The following TIAM1 variants were observed in gnomAD, a reference collection of about 807,000 sequenced individuals.
TIAM1 encodes rho guanine nucleotide exchange factor TIAM1.
TIAM1 carries 65 observed loss-of-function variants against 163.5 expected under a neutral mutation model. The ratio of observed to expected loss-of-function variants is 0.40; its 90% CI spans 0.33 to 0.49. The LOEUF is 0.49. Ranked by LOEUF, TIAM1 falls within the 20% of genes least tolerant of loss-of-function variation. The pLI is 0.77. For missense variants in TIAM1, 1,789 were observed against 2,044.7 expected (o/e 0.87, Z 2.41); for synonymous variants, 833 against 810.1 (o/e 1.03, Z -0.48).
rs143311498 is a variant in TIAM1, at chr21:31,243,712, T to A, written c.1584+1776A>T. On this transcript the variant is annotated intron_variant, in intron 6 of 27. Coordinates refer to ENST00000541036, the MANE Select transcript of TIAM1 (RefSeq NM_001353694.2). ...TCAAAGAGAATGATACCTAGACACATAATACTCAAACTGTTTAACGACAAA... is the reference window on the plus strand; with the variant it reads ...TCAAAGAGAATGATACCTAGACACAAAATACTCAAACTGTTTAACGACAAA... Among the ~76,000 whole-genome samples the A allele has an allele frequency of 7.1e-3, 1,074 of 152,228 alleles. 12 individuals carry two copies. The highest frequency in any genetic ancestry group is 0.024 in the African/African-American group (1,014 of 41,526).
chr21:31,499,873 CAAAA>C (rs34314952), intron 1 of TIAM1, among the ~76,000 whole-genome samples: 1 of 145,002 alleles, frequency 6.9e-6, no homozygotes, highest in Non-Finnish European at 1.5e-5. Context: ...AAGAAGAAAA[CAAAA>C]AAAAAAACAG....
chr21:31,292,287 G>C (rs2833368), intron 2 of TIAM1, among the ~76,000 whole-genome samples: 58,559 of 151,590 alleles, frequency 0.39, 11,877 homozygotes, highest in East Asian at 0.8. Flanking sequence ...GTTCTTCCCC[G>C]AAGGTCCCTG....
At chr21:31,381,701 G>T (rs1569281870) in intron 2 of TIAM1, among the ~76,000 whole-genome samples, 1 of 152,024 alleles carries the variant, frequency 6.6e-6, no homozygotes, top group Non-Finnish European at 1.5e-5. Flanking sequence ...ACATGGTGGT[G>T]TACACCTGTA....
At chr21:31,421,817 C>G (rs559040907) in intron 2 of TIAM1, among the ~76,000 whole-genome samples, 3 of 152,156 alleles carry the variant, frequency 2.0e-5, no homozygotes, top group Admixed American at 1.3e-4. Context: ...CAGTGAGACC[C>G]TATCTCTACA....
intron 1 of TIAM1, among the ~76,000 whole-genome samples, chr21:31,522,504 C>T (rs2047635495): frequency 6.6e-6 from 1 of 150,988 alleles, no homozygotes; most frequent in African/African-American, 2.4e-5. Context: ...GAGTGAAACT[C>T]CATCCCAAAA....
At chr21:31,490,968 T>C (rs1301616430) in intron 1 of TIAM1, among the ~76,000 whole-genome samples, 1 of 152,034 alleles carries the variant, frequency 6.6e-6, no homozygotes, top group African/African-American at 2.4e-5. Context: ...CTACTAAAAA[T>C]ACAAAAATTA....
At chr21:31,538,086 G>T (rs926443610) in intron 1 of TIAM1, among the ~76,000 whole-genome samples, 1 of 152,180 alleles carries the variant, frequency 6.6e-6, no homozygotes, top group Non-Finnish European at 1.5e-5. Context: ...CCTGAAGGGG[G>T]CGCAACAGGA....
chr21:31,400,038 A>G (rs2077138379), intron 2 of TIAM1, among the ~76,000 whole-genome samples: 2 of 152,198 alleles, frequency 1.3e-5, no homozygotes, highest in South Asian at 4.1e-4. Context: ...ATCTACCAAA[A>G]AAAACAAACA....
chr21:31,474,579 CTT>C (rs2045869418), intron 1 of TIAM1, among the ~76,000 whole-genome samples: 1 of 146,610 alleles, frequency 6.8e-6, no homozygotes, highest in African/African-American at 2.5e-5. Context: ...GAGTTTCACT[CTT>C]GTTGCCCAGG....
At chr21:31,327,188 G>C (rs566991155) in intron 2 of TIAM1, among the ~76,000 whole-genome samples, 1 of 152,170 alleles carries the variant, frequency 6.6e-6, no homozygotes, top group Non-Finnish European at 1.5e-5. Flanking sequence ...TGTGCAGGGA[G>C]GAGGAGCTTT....
intron 14 of TIAM1, among the ~76,000 whole-genome samples, chr21:31,184,106 T>C (rs1037787368): frequency 1.2e-4 from 18 of 151,936 alleles, no homozygotes; most frequent in African/African-American, 3.9e-4. Context: ...GGCTAATTTT[T>C]GTTTTGTTTT....
intron 2 of TIAM1, among the ~76,000 whole-genome samples, chr21:31,369,712 A>C (rs528078348): frequency 6.6e-6 from 1 of 152,326 alleles, no homozygotes; most frequent in Non-Finnish European, 1.5e-5. Flanking sequence ...AACTAAAAAT[A>C]AAAGGAAAAA....
At chr21:31,136,586 G>C (rs1312829425) in intron 22 of TIAM1, among the ~76,000 whole-genome samples, 1 of 152,122 alleles carries the variant, frequency 6.6e-6, no homozygotes, top group Non-Finnish European at 1.5e-5. Flanking sequence ...GGAGAGAAAA[G>C]GCTCATCTTT....
chr21:31,503,691 A>G (rs1339366975), intron 1 of TIAM1, among the ~76,000 whole-genome samples: 1 of 147,908 alleles, frequency 6.8e-6, no homozygotes, highest in Non-Finnish European at 1.5e-5. Flanking sequence ...GGGATCCAGC[A>G]CTGTGCATCC....
At position 31,266,668 on chromosome 21, in the gene TIAM1, G is replaced by A; in HGVS notation, c.305C>T (p.Ser102Phe). 6.2e-7 allele frequency: 1 copy of A among 1,614,198 alleles called. No homozygotes were observed. The highest frequency in any genetic ancestry group is 8.5e-7 in the Non-Finnish European group (1 of 1,180,048). Residue 102 changes from serine to phenylalanine, a missense_variant, in exon 4 of 28, where the codon TCT becomes TTT. Around this residue, in one of 5 missense-constraint regions of TIAM1, gnomAD observed 555 missense variants for 564.9 expected, o/e 0.98. Coordinates refer to ENST00000541036, the MANE Select transcript of TIAM1 (RefSeq NM_001353694.2). Reference sequence around the variant, plus strand: ...GGGAGTGACAGAAGAGTCAGTGTAAGACACAGGTCTCAAGCCCATGTCCAC... The same window carrying A: ...GGGAGTGACAGAAGAGTCAGTGTAAAACACAGGTCTCAAGCCCATGTCCAC... ...DRVDMGLRPV[S>F]YTDSSVTPSV...
chr21:31,367,325 T>C (rs2076520649), intron 2 of TIAM1, among the ~76,000 whole-genome samples: 1 of 152,186 alleles, frequency 6.6e-6, no homozygotes, highest in Admixed American at 6.5e-5. Flanking sequence ...TAGGTAGGTC[T>C]GTCAGTAACT....
At chr21:31,505,432 G>GA (rs370349576) in intron 1 of TIAM1, among the ~76,000 whole-genome samples, 209 of 148,394 alleles carry the variant, frequency 1.4e-3, no homozygotes, top group African/African-American at 4.7e-3. Context: ...GAGAGATCAA[G>GA]AAAAAAAAAA....
In TIAM1 at chr21:31,552,021, G is replaced by A. The variant is rs1416967651; in HGVS notation, c.-422+6906C>T. Among the ~76,000 whole-genome samples the A allele has an allele frequency of 1.4e-5, 2 of 144,896 alleles. 1 individual carries two copies. Among genetic ancestry groups the A allele is most frequent in the East Asian group, 4.1e-4 (2 of 4,824 alleles). ...GCGCATCTGTTCTGAGTCTCTTAAT[G>A]CTATATGGAATTTTTACTCTGCACT... On this transcript the variant is annotated intron_variant, in intron 1 of 28. Coordinates refer to the TIAM1 transcript ENST00000286827.
chr21:31,203,040 A>G, intron 11 of TIAM1, 28 bp from the exon 12 acceptor site: 2 of 1,566,716 alleles, frequency 1.3e-6, no homozygotes, highest in Non-Finnish European at 1.8e-6. Flanking sequence ...GAAAGAAAGA[A>G]AATGTCTGTT....
Sources: allele counts gnomAD v4.1 joint callset (sites outside exome capture counted in the v4.1 genomes callset), GRCh38; gene constraint gnomAD v4.1.1; regional missense constraint gnomAD v4.1.1; transcripts MANE v1.5; gene names NCBI Gene and HGNC (gene_info 2026-07-23, HGNC 2026-07-21).